Variants in HPCAL1 observed in about 807,000 individuals in gnomAD.
HPCAL1 encodes the protein hippocalcin like 1.
In HPCAL1, 8 loss-of-function variants were observed where a neutral mutation model predicts 17.1. The observed-to-expected ratio is 0.47, with a 90% CI of 0.27 to 0.84. The LOEUF is 0.84. Ranked by LOEUF, HPCAL1 falls within the 40% of genes least tolerant of loss-of-function variation. The pLI is 0.13. For synonymous variants in HPCAL1, 112 were observed against 111.4 expected (o/e 1.01, Z -0.03); for missense variants, 165 against 271.1 (o/e 0.61, Z 2.75).
At chr2:10,366,299 G>A (rs546085661) in intron 1 of HPCAL1, among the ~76,000 whole-genome samples, 1 of 152,232 alleles carries the variant, frequency 6.6e-6, no homozygotes, top group South Asian at 2.1e-4. Context: ...GCAGTGGTGC[G>A]ATCTCGTCTC....
At chr2:10,345,085 C>G (rs1665337280) in intron 1 of HPCAL1, among the ~76,000 whole-genome samples, 1 of 152,054 alleles carries the variant, frequency 6.6e-6, no homozygotes, top group Non-Finnish European at 1.5e-5. Flanking sequence ...GTCTTGCAGT[C>G]TCTTTCTGCC....
At chr2:10,382,593 T>TAAAAA (rs70948887) in intron 1 of HPCAL1, among the ~76,000 whole-genome samples, 1 of 127,994 alleles carries the variant, frequency 7.8e-6, no homozygotes, top group Non-Finnish European at 1.6e-5. Flanking sequence ...GTTCATTAAT[T>TAAAAA]AAAAAAAAAA....
intron 1 of HPCAL1, among the ~76,000 whole-genome samples, chr2:10,315,345 G>T (rs926885987): frequency 1.3e-5 from 2 of 152,056 alleles, no homozygotes; most frequent in Non-Finnish European, 2.9e-5. Context: ...ATGTTTGGAC[G>T]GGGAAGAAAG....
chr2:10,365,193 CG>C lies in HPCAL1; in HGVS notation c.-110-31641del, dbSNP rs1185549939. Among the ~76,000 whole-genome samples the C allele has an allele frequency of 1.3e-5, 2 of 152,148 alleles. No individual in the cohort carries two copies. Among genetic ancestry groups the C allele is most frequent in the Admixed American group, 6.5e-5 (1 of 15,276 alleles). On this transcript the variant is annotated intron_variant, in intron 1 of 4. Coordinates refer to ENST00000307845, the MANE Select transcript of HPCAL1 (RefSeq NM_002149.4). This position sits in a 1 kb window ranked among gnomAD's most constrained non-coding sequence, Gnocchi z 4.8. ...CATGTACGGAAGGAGAAATGGAGGC[CG>C]CCAGAGAGGTCTAGGCCTCCGACCC...
chr2:10,399,237 A>G lies in HPCAL1; in HGVS notation c.-25+2317A>G, dbSNP rs1216301816. Among the ~76,000 whole-genome samples, 274 of 84,214 alleles carry G rather than the reference A, an allele frequency of 3.3e-3. 4 individuals are homozygous for G. The highest frequency in any genetic ancestry group is 0.01 in the African/African-American group (228 of 22,274). 55.2% of individuals were successfully genotyped at this position (84,214 alleles called of 152,430 possible). A position where few individuals can be genotyped will look rare whatever the true frequency, so the allele number is the denominator to read the frequency against. On this transcript the variant is annotated intron_variant, in intron 2 of 4. Transcript: ENST00000307845. Reference sequence around the variant, plus strand: ...CACCACCACCACCACCACCACCACCACCATCACCACCACCACCACCACCAT... The same window carrying G: ...CACCACCACCACCACCACCACCACCGCCATCACCACCACCACCACCACCAT...
chr2:10,417,980 T>G (rs1670779898), intron 2 of HPCAL1, among the ~76,000 whole-genome samples: 1 of 151,732 alleles, frequency 6.6e-6, no homozygotes, highest in Admixed American at 6.6e-5. Context: ...AGGTCAAGGC[T>G]TCAGTGAGTC....
intron 1 of HPCAL1, among the ~76,000 whole-genome samples, chr2:10,348,757 C>T (rs994533625): frequency 3.3e-5 from 5 of 152,052 alleles, no homozygotes; most frequent in Non-Finnish European, 5.9e-5. Flanking sequence ...CCAGCCTGAG[C>T]GACAGAGTGA....
intron 2 of HPCAL1, among the ~76,000 whole-genome samples, chr2:10,399,379 C>T (rs866299963): frequency 2.8e-4 from 14 of 49,382 alleles, no homozygotes; most frequent in East Asian, 8.7e-4. Context: ...ATCACCACCA[C>T]CACCACCACC....
intron 2 of HPCAL1, among the ~76,000 whole-genome samples, chr2:10,399,490 CCACCAT>C (rs1297780841): frequency 2.8e-5 from 3 of 106,690 alleles, no homozygotes; most frequent in Admixed American, 9.0e-5. Context: ...ACCATCACCG[CCACCAT>C]CACCATCACC....
chr2:10,312,496 C>A (rs374205313), intron 1 of HPCAL1, among the ~76,000 whole-genome samples: 83 of 151,508 alleles, frequency 5.5e-4, no homozygotes, highest in African/African-American at 2.0e-3. Context: ...TCACCATTCA[C>A]CGTCACTATC....
In HPCAL1 at chr2:10,405,994, T is replaced by G. The variant is rs180870763; in HGVS notation, c.-25+9074T>G. ...GATTGAATAGTAATAGAATTATTCTTGGTGTTCTATGGAGCATTACCGGGT... is the reference window on the plus strand; with the variant it reads ...GATTGAATAGTAATAGAATTATTCTGGGTGTTCTATGGAGCATTACCGGGT... On this transcript the variant is annotated intron_variant, in intron 2 of 4. Transcript: ENST00000307845. 2.1e-3 allele frequency among the ~76,000 whole-genome samples: 321 copies of G among 152,326 alleles called. 2 individuals are homozygous for G. The highest frequency in any genetic ancestry group is 7.3e-3 in the African/African-American group (304 of 41,570).
chr2:10,420,971 G>A (rs1409060878), intron 3 of HPCAL1, among the ~76,000 whole-genome samples: 1 of 152,044 alleles, frequency 6.6e-6, no homozygotes, highest in Non-Finnish European at 1.5e-5. Flanking sequence ...ATGTTGGCCA[G>A]GCTAGTCTTA....
intron 2 of HPCAL1, among the ~76,000 whole-genome samples, 199 bp downstream of exon 2, chr2:10,397,119 C>G (rs1669101785): frequency 6.6e-5 from 10 of 152,188 alleles, no homozygotes; most frequent in Admixed American, 4.6e-4. Context: ...CTCGGAAATG[C>G]AGAGAAACAG....
At chr2:10,314,866 A>G (rs1007867949) in intron 1 of HPCAL1, among the ~76,000 whole-genome samples, 4 of 152,238 alleles carry the variant, frequency 2.6e-5, no homozygotes, top group African/African-American at 9.7e-5. Flanking sequence ...TGAAATTAGC[A>G]CATTAGCGGT....
chr2:10,387,542 T>C lies in HPCAL1; in HGVS notation c.-110-9293T>C, dbSNP rs535535061. On this transcript the variant is annotated intron_variant, in intron 1 of 4. Transcript: ENST00000307845. Reference sequence around the variant, plus strand: ...TGGCCCCATGCTGGTAAGCAGGCGATACTGACCCTGGTTCCAAACTGCATT... The same window carrying C: ...TGGCCCCATGCTGGTAAGCAGGCGACACTGACCCTGGTTCCAAACTGCATT... Among the ~76,000 whole-genome samples the C allele has an allele frequency of 4.3e-4, 65 of 152,360 alleles. 1 individual carries two copies. The South Asian group carries it at 0.013, about 31-fold the overall frequency.
In HPCAL1 at chr2:10,327,127, T is replaced by C. The variant is rs112545245; in HGVS notation, c.-111+23950T>C. Among the ~76,000 whole-genome samples the C allele has an allele frequency of 1.4e-3, 220 of 152,332 alleles. 2 individuals are homozygous for C. The highest frequency in any genetic ancestry group is 4.9e-3 in the African/African-American group (204 of 41,570). ...TTCACTGCAGCATCTCCTAAGGAAG[T>C]GAGCCTGTGGGGAGGTCTCTGATGC... On this transcript the variant is annotated intron_variant, in intron 1 of 4. Coordinates refer to ENST00000307845, the MANE Select transcript of HPCAL1 (RefSeq NM_002149.4).
At chr2:10,388,008 C>T (rs1452076142) in intron 1 of HPCAL1, among the ~76,000 whole-genome samples, 1 of 152,154 alleles carries the variant, frequency 6.6e-6, no homozygotes, top group Non-Finnish European at 1.5e-5. Flanking sequence ...GATGCTTTTT[C>T]TTCCCTGCAC....
At position 10,304,736 on chromosome 2, in the gene HPCAL1, A is replaced by G. The variant is rs1455296904; in HGVS notation, c.-111+1559A>G. On this transcript the variant is annotated intron_variant, in intron 1 of 4. Coordinates refer to ENST00000307845, the MANE Select transcript of HPCAL1 (RefSeq NM_002149.4). The surrounding 1 kb of genome is among the most constrained non-coding windows in gnomAD (Gnocchi z 4.1). ...TCTAGGGGTCGGGTGGCTCTCGGCC[A>G]GAGCGAAGGATATTCTTTCCCTTCA... 1.3e-5 allele frequency among the ~76,000 whole-genome samples: 2 copies of G among 152,218 alleles called. No homozygotes were observed. Among genetic ancestry groups the G allele is most frequent in the Non-Finnish European group, 2.9e-5 (2 of 68,036 alleles).
At chr2:10,319,260 C>T (rs1663517784) in intron 1 of HPCAL1, among the ~76,000 whole-genome samples, 1 of 152,172 alleles carries the variant, frequency 6.6e-6, no homozygotes, top group Non-Finnish European at 1.5e-5. Flanking sequence ...CTGTATTTTT[C>T]ATTTTCCCTC....
Sources: gnomAD v4.1 joint callset for allele counts (sites outside exome capture counted in the v4.1 genomes callset) on GRCh38, gnomAD v4.1.1 for gene constraint, Gnocchi (gnomAD v3.1) non-coding constraint, MANE v1.5 for transcripts, NCBI Gene and HGNC (gene_info 2026-07-23, HGNC 2026-07-21) for gene names.